Variants in TPRG1 observed in about 807,000 individuals in gnomAD.
TPRG1 encodes the protein tumor protein p63-regulated gene 1 protein.
A neutral mutation model predicts 29.3 loss-of-function variants in TPRG1; 29 were observed. That is an observed-to-expected ratio of 0.99 (90% CI 0.74 to 1.35). The LOEUF (loss-of-function observed/expected upper bound fraction) is 1.35, where lower values mean the gene tolerates loss of function less well. Among genes scored for constraint, TPRG1 ranks in the 40% most tolerant of loss-of-function variants. The pLI is 0.00. For synonymous variants in TPRG1, 130 were observed against 116.8 expected (o/e 1.11, Z -0.73); for missense variants, 327 against 335.0 (o/e 0.98, Z 0.19).
Position 189,320,952 on chromosome 3 carries a change from A to G in TPRG1, c.*132A>G. On this transcript the variant is annotated 3_prime_UTR_variant, in exon 6 of 6. Coordinates refer to ENST00000345063, the MANE Select transcript of TPRG1 (RefSeq NM_198485.4). Reference sequence around the variant, plus strand: ...ACGCTTTATGATTTAGAAATTTAGTATTTCCGAAAATTTAAAAGCTTGATT... The same window carrying G: ...ACGCTTTATGATTTAGAAATTTAGTGTTTCCGAAAATTTAAAAGCTTGATT... 1.2e-6 allele frequency: 1 copy of G among 852,216 alleles called. No individual in the cohort carries two copies. The highest frequency in any genetic ancestry group is 1.7e-6 in the Non-Finnish European group (1 of 587,222). The allele number at this position is 852,216 out of a possible 1,614,324, so 52.8% of individuals were successfully genotyped here. A position where few individuals can be genotyped will look rare whatever the true frequency, so the allele number is the denominator to read the frequency against.
At chr3:189,180,311 C>T (rs1200930289) in intron 1 of TPRG1, among the ~76,000 whole-genome samples, 1 of 152,160 alleles carries the variant, frequency 6.6e-6, no homozygotes, top group Non-Finnish European at 1.5e-5. Context: ...GACAGTCCCC[C>T]AAAGTCTTAA....
At chr3:189,168,555 A>T (rs1049186492), upstream of TPRG1, among the ~76,000 whole-genome samples, 1 of 152,206 alleles carries the variant, frequency 6.6e-6, no homozygotes, top group African/African-American at 2.4e-5. Flanking sequence ...TGTTTAAGAC[A>T]TGGTCCTTAT....
chr3:189,129,366 G>A lies in TPRG1; in HGVS notation c.-590+2156G>A, dbSNP rs112731723. On this transcript the variant is annotated intron_variant, in intron 2 of 6. Coordinates refer to the TPRG1 transcript ENST00000412373. ...GCAAAAGATACCACAGCAGGGATGC[G>A]TCCTTCTCAGGCTGTGATACCAGGT... 5.5e-3 allele frequency among the ~76,000 whole-genome samples: 832 copies of A among 152,216 alleles called. 6 individuals carry two copies. The highest frequency in any genetic ancestry group is 0.02 in the Middle Eastern group (6 of 294).
intron 4 of TPRG1, among the ~76,000 whole-genome samples, chr3:189,038,167 T>C (rs1714401003): frequency 6.6e-6 from 1 of 151,476 alleles, no homozygotes; most frequent in Non-Finnish European, 1.5e-5. Flanking sequence ...GAAAAAAAAA[T>C]AGCCTGCCAC....
intron 3 of TPRG1, among the ~76,000 whole-genome samples, chr3:189,144,700 T>G (rs1443104711): frequency 7.2e-6 from 1 of 139,100 alleles, no homozygotes; most frequent in Non-Finnish European, 1.6e-5. Context: ...TTCATGGGTA[T>G]TTTGAAGAAA....
intron 4 of TPRG1, among the ~76,000 whole-genome samples, chr3:189,072,640 T>G (rs1307172736): frequency 2.0e-5 from 3 of 152,144 alleles, no homozygotes; most frequent in Non-Finnish European, 2.9e-5. Flanking sequence ...TTCTTTTTTC[T>G]TTATAAGTAA....
At chr3:189,191,166 A>T (rs1398455633) in intron 1 of TPRG1, among the ~76,000 whole-genome samples, 1 of 152,036 alleles carries the variant, frequency 6.6e-6, no homozygotes, top group Non-Finnish European at 1.5e-5. Context: ...ACATATCTTT[A>T]TTGTTTTGTT....
At chr3:189,046,958 G>A (rs1351506178) in intron 4 of TPRG1, among the ~76,000 whole-genome samples, 1 of 152,128 alleles carries the variant, frequency 6.6e-6, no homozygotes, top group East Asian at 1.9e-4. Context: ...CTCACTGAAC[G>A]CAGAGGGGAA....
chr3:189,045,360 A>G (rs1420999831), intron 4 of TPRG1, among the ~76,000 whole-genome samples: 6 of 152,242 alleles, frequency 3.9e-5, no homozygotes, highest in African/African-American at 1.2e-4. Flanking sequence ...CTATTCAACA[A>G]TCATGGAAAA....
At chr3:189,181,066 C>T (rs1332251219) in intron 1 of TPRG1, among the ~76,000 whole-genome samples, 9 of 152,162 alleles carry the variant, frequency 5.9e-5, no homozygotes, top group Admixed American at 5.9e-4. Flanking sequence ...CTATGTTGGC[C>T]CCTTTCAGCC....
chr3:189,055,359 T>C (rs1418782437), intron 4 of TPRG1, among the ~76,000 whole-genome samples: 1 of 152,122 alleles, frequency 6.6e-6, no homozygotes, highest in Non-Finnish European at 1.5e-5. Context: ...AAGAATAACT[T>C]GTAGAGTAAT....
intron 4 of TPRG1, among the ~76,000 whole-genome samples, chr3:189,057,865 C>T (rs9681968): frequency 0.025 from 2,725 of 107,482 alleles, 228 homozygotes; most frequent in African/African-American, 0.14. Context: ...TACACACATA[C>T]GTATGTGTGT....
chr3:189,225,266 G>A (rs1737560650), intron 3 of TPRG1, among the ~76,000 whole-genome samples: 1 of 152,036 alleles, frequency 6.6e-6, no homozygotes, highest in Non-Finnish European at 1.5e-5. Context: ...ACCTCACCTT[G>A]GTGTCTTGAA....
intron 5 of TPRG1, among the ~76,000 whole-genome samples, chr3:189,162,627 G>A (rs1470761859): frequency 1.3e-5 from 2 of 152,168 alleles, no homozygotes; most frequent in Non-Finnish European, 2.9e-5. Flanking sequence ...TTTGATGGCT[G>A]CTATGGAAGA....
At chr3:189,066,324 C>A (rs1445818553) in intron 4 of TPRG1, among the ~76,000 whole-genome samples, 1 of 151,886 alleles carries the variant, frequency 6.6e-6, no homozygotes, top group Non-Finnish European at 1.5e-5. Context: ...TCAACAAGGC[C>A]AGTATTACCC....
intron 3 of TPRG1, among the ~76,000 whole-genome samples, chr3:189,142,042 G>A (rs1426769926): frequency 2.0e-5 from 3 of 152,168 alleles, no homozygotes; most frequent in African/African-American, 7.2e-5. Context: ...GGAACTGGGG[G>A]AAACAGGGTG....
intron 1 of TPRG1, among the ~76,000 whole-genome samples, chr3:189,204,902 CTG>C (rs1325790267): frequency 6.6e-6 from 1 of 151,834 alleles, no homozygotes; most frequent in African/African-American, 2.4e-5. Flanking sequence ...CCTCCTCTGT[CTG>C]TCTTTCTTTC....
chr3:189,168,455 C>T (rs917459830), upstream of TPRG1, among the ~76,000 whole-genome samples: 4 of 152,228 alleles, frequency 2.6e-5, no homozygotes, highest in Middle Eastern at 6.8e-3. Flanking sequence ...TATATTCATT[C>T]GTTTACTCAT....
rs113048958 is a variant in TPRG1 at position 189,286,766 on chromosome 3, G to A, written c.480-23620G>A. ...TTGCACACAGGAAAGTTCAGACATA[G>A]GAAACCATATGACCAGAGACAGAGA... is the stretch of plus-strand genomic sequence containing the variant. On this transcript the variant is annotated intron_variant, in intron 4 of 5. Coordinates refer to ENST00000345063, the MANE Select transcript of TPRG1 (RefSeq NM_198485.4). 1.1e-3 allele frequency among the ~76,000 whole-genome samples: 165 copies of A among 152,202 alleles called. 2 individuals are homozygous for A. Among genetic ancestry groups the A allele is most frequent in the African/African-American group, 3.5e-3 (144 of 41,532 alleles).
Sources: gnomAD v4.1 joint callset for allele counts (sites outside exome capture counted in the v4.1 genomes callset) on GRCh38, gnomAD v4.1.1 for gene constraint, MANE v1.5 for transcripts, NCBI Gene and HGNC (gene_info 2026-07-23, HGNC 2026-07-21) for gene names.